SPECC1L: variants seen among roughly 807,000 people sequenced by gnomAD.
SPECC1L encodes the protein cytospin-A.
SPECC1L carries 40 observed loss-of-function variants against 116.8 expected under a neutral mutation model. The ratio of observed to expected loss-of-function variants is 0.34; its 90% CI spans 0.27 to 0.45. The LOEUF (loss-of-function observed/expected upper bound fraction) is 0.45, where lower values mean the gene tolerates loss of function less well. Among genes scored for constraint, SPECC1L ranks in the 20% least tolerant of loss-of-function variants. The pLI is 1.00. For missense variants in SPECC1L, 1,110 were observed against 1,373.6 expected (o/e 0.81, Z 3.03); for synonymous variants, 504 against 500.6 (o/e 1.01, Z -0.09).
At chr22:24,380,590 C>G (rs1333125064) in intron 14 of SPECC1L, among the ~76,000 whole-genome samples, 2 of 152,198 alleles carry the variant, frequency 1.3e-5, no homozygotes, top group Non-Finnish European at 2.9e-5. Context: ...CATTAAGCAT[C>G]CATTACAAAA....
intron 2 of SPECC1L, among the ~76,000 whole-genome samples, chr22:24,293,805 G>A (rs879997838): frequency 8.7e-4 from 108 of 124,048 alleles, no homozygotes; most frequent in Non-Finnish European, 1.6e-3. Context: ...TTAGGGAATC[G>A]CCATGGTGGT....
intron 3 of SPECC1L, chr22:24,304,385 CTT>C (rs1329773264): frequency 3.9e-5 from 6 of 152,230 alleles, no homozygotes; most frequent in Middle Eastern, 3.2e-3. Context: ...GGGAAGGACT[CTT>C]TTGATCCAGG....
intron 11 of SPECC1L, among the ~76,000 whole-genome samples, chr22:24,350,770 C>T (rs1196480652): frequency 1.3e-5 from 2 of 152,150 alleles, no homozygotes; most frequent in South Asian, 2.1e-4. Flanking sequence ...GCCTTTTGAC[C>T]TTCTTCAGTC....
chr22:24,290,768 A>G lies in SPECC1L; in HGVS notation c.-37-11427A>G, dbSNP rs557934332. 7.2e-5 allele frequency among the ~76,000 whole-genome samples: 11 copies of G among 152,342 alleles called. No homozygotes were observed. In the East Asian group the frequency reaches 1.5e-3, roughly 21 times the overall value. On this transcript the variant is annotated intron_variant, in intron 2 of 16. Transcript: ENST00000314328. ...CTCACTCCAAGTCTTTAAAATGTGT[A>G]CATAAAATGCACCTTTCTGAATGTG... is the stretch of plus-strand genomic sequence containing the variant.
At chr22:24,305,830 CT>C (rs748333042) in intron 3 of SPECC1L, among the ~76,000 whole-genome samples, 21 of 152,124 alleles carry the variant, frequency 1.4e-4, no homozygotes, top group Non-Finnish European at 2.6e-4. Flanking sequence ...ATTGTTACTC[CT>C]TTCATGTTAA....
intron 1 of SPECC1L, 143 bp downstream of exon 1, chr22:24,271,126 A>T (rs534452398): frequency 6.6e-6 from 1 of 152,614 alleles, no homozygotes; most frequent in South Asian, 2.1e-4. Flanking sequence ...GGGCCCCTCC[A>T]GTGTGTCCCG....
intron 11 of SPECC1L, among the ~76,000 whole-genome samples, chr22:24,352,713 T>C (rs1424370178): frequency 1.3e-5 from 2 of 152,182 alleles, no homozygotes; most frequent in African/African-American, 2.4e-5. Context: ...TAAAATGAGA[T>C]AGAAATCCTA....
At chr22:24,380,900 A>G (rs946535405) in intron 14 of SPECC1L, among the ~76,000 whole-genome samples, 2 of 152,132 alleles carry the variant, frequency 1.3e-5, no homozygotes, top group African/African-American at 4.8e-5. Context: ...CTCTGTTTAT[A>G]TACAATTATG....
intron 1 of SPECC1L, among the ~76,000 whole-genome samples, chr22:24,272,922 G>C (rs1255814043): frequency 6.6e-6 from 1 of 152,178 alleles, no homozygotes; most frequent in African/African-American, 2.4e-5. Context: ...CAGGTGTGTA[G>C]GGGTTTTCTT....
intron 2 of SPECC1L, among the ~76,000 whole-genome samples, chr22:24,298,118 ATAT>A (rs1601514955): frequency 6.6e-6 from 1 of 151,580 alleles, no homozygotes; most frequent in East Asian, 1.9e-4. Context: ...GTAATGTATA[ATAT>A]TCAATAAATT....
intron 2 of SPECC1L, among the ~76,000 whole-genome samples, chr22:24,277,185 A>C (rs2048853468): frequency 6.6e-6 from 1 of 151,132 alleles, no homozygotes; most frequent in Non-Finnish European, 1.5e-5. Context: ...CCATCTCCCA[A>C]CTCATGGCCC....
chr22:24,325,196 G>C (rs1393859721), intron 6 of SPECC1L, among the ~76,000 whole-genome samples: 2 of 152,188 alleles, frequency 1.3e-5, no homozygotes. Context: ...CTTGAATGTT[G>C]CTTTTGAGTT....
chr22:24,311,147 A>G (rs1467064550), intron 3 of SPECC1L, among the ~76,000 whole-genome samples: 1 of 152,186 alleles, frequency 6.6e-6, no homozygotes, highest in African/African-American at 2.4e-5. Context: ...TTATAAGTGC[A>G]AAGTTTATGA....
At chr22:24,353,074 TC>T (rs947186632) in intron 11 of SPECC1L, among the ~76,000 whole-genome samples, 8 of 152,184 alleles carry the variant, frequency 5.3e-5, no homozygotes, top group Admixed American at 1.3e-4. Flanking sequence ...ATATTAGAGT[TC>T]CCTTCCCCCA....
At chr22:24,300,820 A>G (rs897308769) in intron 2 of SPECC1L, among the ~76,000 whole-genome samples, 1 of 152,240 alleles carries the variant, frequency 6.6e-6, no homozygotes, top group Non-Finnish European at 1.5e-5. Flanking sequence ...CCACACACCT[A>G]CAACCAGCTG....
intron 6 of SPECC1L, among the ~76,000 whole-genome samples, chr22:24,324,717 G>A (rs1205659686): frequency 6.6e-6 from 1 of 152,178 alleles, no homozygotes. Flanking sequence ...TGGGTGTGGT[G>A]CCAGGTGCCT....
At chr22:24,295,240 T>A (rs5760317) in intron 2 of SPECC1L, among the ~76,000 whole-genome samples, 16,417 of 148,896 alleles carry the variant, frequency 0.11, 2,136 homozygotes, top group African/African-American at 0.31. Flanking sequence ...CTTCACTCAA[T>A]TAATATTTTA....
rs534245364 is a variant in SPECC1L at position 24,393,933 on chromosome 22, A to T, written c.3088-17655A>T. On this transcript the variant is annotated intron_variant, in intron 14 of 16. Coordinates refer to ENST00000314328, the MANE Select transcript of SPECC1L (RefSeq NM_015330.6). ...TATAGTTTTATATAAATAGAATCAT[A>T]GTGTGTACAATTTTAGGGGAGTTCT... Among the ~76,000 whole-genome samples, 9 of 152,298 alleles carry T rather than the reference A, an allele frequency of 5.9e-5. No individual in the cohort carries two copies. The East Asian group carries it at 1.5e-3, about 26-fold the overall frequency.
At chr22:24,312,169 C>G (rs1432088384) in intron 3 of SPECC1L, among the ~76,000 whole-genome samples, 2 of 152,150 alleles carry the variant, frequency 1.3e-5, no homozygotes, top group African/African-American at 2.4e-5. Context: ...AACGGAATCT[C>G]CCTATGTTGC....
Sources: allele counts gnomAD v4.1 joint callset (sites outside exome capture counted in the v4.1 genomes callset), GRCh38; gene constraint gnomAD v4.1.1; transcripts MANE v1.5; gene names NCBI Gene and HGNC (gene_info 2026-07-23, HGNC 2026-07-21).